Variants in MED21 observed in about 807,000 individuals in gnomAD.
MED21 encodes the protein mediator complex subunit 21.
Under a neutral mutation model 18.2 loss-of-function variants are expected in MED21, and 9 were observed. The ratio of observed to expected loss-of-function variants is 0.49; its 90% confidence interval spans 0.30 to 0.86. MED21 has a LOEUF of 0.86. MED21 is among the 40% of genes least tolerant of loss of function. MED21 has a pLI of 0.07. For synonymous variants in MED21, 73 were observed against 60.5 expected (o/e 1.21, Z -0.96); for missense variants, 150 against 170.9 (o/e 0.88, Z 0.68).
At position 27,027,333 on chromosome 12, in the gene MED21, G is replaced by T; in HGVS notation, c.158-14G>T. The T allele has an allele frequency of 6.3e-7, 1 of 1,585,502 alleles. No individual in the cohort carries two copies. Among genetic ancestry groups the T allele is most frequent in the South Asian group, 1.1e-5 (1 of 88,510 alleles). ...GGTTTTCTAATATCCTAATCTAGCAGTATCTTTCTCTAGAGTATGCCCAGC... is the reference window on the plus strand; with the variant it reads ...GGTTTTCTAATATCCTAATCTAGCATTATCTTTCTCTAGAGTATGCCCAGC... On this transcript the variant is annotated splice_polypyrimidine_tract_variant and intron_variant, in intron 2 of 3. Transcript: ENST00000282892.
At chr12:27,037,313 T>C (rs924273620) in intron 2 of MED21, 35 of 152,110 alleles carry the variant, frequency 2.3e-4, no homozygotes, top group African/African-American at 8.2e-4. Context: ...TTTGCTGAAG[T>C]TGCTTATCAG....
At chr12:27,032,608 A>G (rs916538356), downstream of MED21, among the ~76,000 whole-genome samples, 1 of 152,194 alleles carries the variant, frequency 6.6e-6, no homozygotes, top group African/African-American at 2.4e-5. Context: ...CTTCTGGAAA[A>G]CAGTGACAGT....
At chr12:27,027,697 G>A (rs1408819654) in intron 3 of MED21, among the ~76,000 whole-genome samples, 2 of 152,194 alleles carry the variant, frequency 1.3e-5, no homozygotes, top group East Asian at 3.8e-4. Flanking sequence ...TTAGGGCCAT[G>A]TTGAGGGCCT....
downstream of MED21, among the ~76,000 whole-genome samples, chr12:27,033,229 C>G (rs1004372693): frequency 6.6e-6 from 1 of 152,112 alleles, no homozygotes; most frequent in Admixed American, 6.5e-5. Flanking sequence ...ATTTACTTCC[C>G]ACAGTTCTGA....
intron 2 of MED21, chr12:27,037,695 A>G (rs1414864041): frequency 6.6e-6 from 1 of 152,202 alleles, no homozygotes; most frequent in Non-Finnish European, 1.5e-5. Flanking sequence ...ATCAATTTAG[A>G]GATGCCCTTT....
chr12:27,031,970 G>A (rs1941622365), downstream of MED21, among the ~76,000 whole-genome samples: 1 of 152,132 alleles, frequency 6.6e-6, no homozygotes, highest in Non-Finnish European at 1.5e-5. Flanking sequence ...GGTTCTCAAA[G>A]CCAAAATGGA....
At chr12:27,032,971 C>T (rs1205081694), downstream of MED21, among the ~76,000 whole-genome samples, 1 of 152,182 alleles carries the variant, frequency 6.6e-6, no homozygotes, top group Non-Finnish European at 1.5e-5. Flanking sequence ...CCATTAACGT[C>T]ACCTGCTCCT....
chr12:27,030,171 C>T lies in MED21; in HGVS notation c.*1710C>T, dbSNP rs1190032275. 1 of 648,736 alleles carries T rather than the reference C, an allele frequency of 1.5e-6. No individual in the cohort carries two copies. Among genetic ancestry groups the T allele is most frequent in the African/African-American group, 1.8e-5 (1 of 55,924 alleles). The allele number at this position is 648,736 out of a possible 1,614,324, so 40.2% of individuals were successfully genotyped here. A position where few individuals can be genotyped will look rare whatever the true frequency, so the allele number is the denominator to read the frequency against. On this transcript the variant is annotated 3_prime_UTR_variant, in exon 4 of 4. Coordinates refer to ENST00000282892, the MANE Select transcript of MED21 (RefSeq NM_004264.5). ...TGTTTTTTTAAGGTGAAGTCTCTGT[C>T]ACCCAAGCTGAAGTGCAGTTCTGTG...
chr12:27,023,929 A>G (rs575828296), intron 1 of MED21, among the ~76,000 whole-genome samples: 3 of 152,346 alleles, frequency 2.0e-5, no homozygotes, highest in South Asian at 2.1e-4. Context: ...TGTATGTGCT[A>G]TGCTTTCATA....
chr12:27,028,482 C>A lies in MED21; in HGVS notation c.*21C>A. 6.2e-7 allele frequency: 1 copy of A among 1,603,242 alleles called. No individual in the cohort carries two copies. Among genetic ancestry groups the A allele is most frequent in the Non-Finnish European group, 8.5e-7 (1 of 1,173,048 alleles). On this transcript the variant is annotated 3_prime_UTR_variant, in exon 4 of 4. Coordinates refer to ENST00000282892, the MANE Select transcript of MED21 (RefSeq NM_004264.5). ...CATAGCATCAGTGGATACCATGTGG[C>A]TGAGAAAAGAACTGTTTGAGTGCCA...
At position 27,029,881 on chromosome 12, in the gene MED21, T is replaced by TC; in HGVS notation, c.*1420_*1421insC. 1 of 940,542 alleles carries TC rather than the reference T, an allele frequency of 1.1e-6. No homozygotes were observed. The highest frequency in any genetic ancestry group is 1.3e-6 in the Non-Finnish European group (1 of 766,992). The allele number at this position is 940,542 out of a possible 1,614,324, so 58.3% of individuals were successfully genotyped here. A position where few individuals can be genotyped will look rare whatever the true frequency, so the allele number is the denominator to read the frequency against. On this transcript the variant is annotated 3_prime_UTR_variant, in exon 4 of 4. Transcript: ENST00000282892. ...ACAAAGAGAAAAGGTCAAGACATTT[T>TC]TCAAATGAGGGAAAACTAACAGGAT...
intron 1 of MED21, among the ~76,000 whole-genome samples, chr12:27,023,395 G>A (rs930813568): frequency 1.5e-5 from 2 of 132,864 alleles, no homozygotes; most frequent in South Asian, 4.7e-4. Flanking sequence ...CGCCTCCCGG[G>A]TTCAAGCGAT....
At position 27,029,849 on chromosome 12, in the gene MED21, A is replaced by G; in HGVS notation, c.*1388A>G. The G allele has an allele frequency of 1.6e-5, 16 of 1,007,166 alleles. No individual in the cohort carries two copies. Among genetic ancestry groups the G allele is most frequent in the Non-Finnish European group, 1.9e-5 (16 of 839,520 alleles). The allele number at this position is 1,007,166 out of a possible 1,614,324, so 62.4% of individuals were successfully genotyped here. Reference sequence around the variant, plus strand: ...GTACCTAAGTATTATAAAGGAGTCAAAAAGGTACAAAGAGAAAAGGTCAAG... The same window carrying G: ...GTACCTAAGTATTATAAAGGAGTCAGAAAGGTACAAAGAGAAAAGGTCAAG... On this transcript the variant is annotated 3_prime_UTR_variant, in exon 4 of 4. Transcript: ENST00000282892.
At position 27,029,514 on chromosome 12, in the gene MED21, A is replaced by G. The variant is rs182002144; in HGVS notation, c.*1053A>G. The G allele has an allele frequency of 2.7e-4, 268 of 985,436 alleles. No homozygotes were observed. Among genetic ancestry groups the G allele is most frequent in the Admixed American group, 1.3e-3 (21 of 16,276 alleles). 61.0% of individuals were successfully genotyped at this position (985,436 alleles called of 1,614,324 possible). On this transcript the variant is annotated 3_prime_UTR_variant, in exon 4 of 4. Coordinates refer to ENST00000282892, the MANE Select transcript of MED21 (RefSeq NM_004264.5). Reference sequence around the variant, plus strand: ...AATATGCTGAGCTACATTTGCTGCAATCTGTTGCTATTCAGAGTTTAAGTT... The same window carrying G: ...AATATGCTGAGCTACATTTGCTGCAGTCTGTTGCTATTCAGAGTTTAAGTT...
downstream of MED21, among the ~76,000 whole-genome samples, chr12:27,032,287 A>G (rs561752713): frequency 1.3e-5 from 2 of 152,150 alleles, no homozygotes; most frequent in African/African-American, 4.8e-5. Context: ...CTGAATTTCA[A>G]CTTGGGGGCT....
Position 27,028,374 on chromosome 12 carries a change from G to T in MED21, c.348G>T (p.Glu116Asp), listed in dbSNP as rs764999212. ...DVVYRGDMLL[E>D]KIQSALADIA... is the part of the protein sequence containing the mutation. ...TTTATCGAGGAGACATGCTTCTGGA[G>T]AAGATACAAAGCGCACTTGCTGATA... is the stretch of plus-strand genomic sequence containing the variant. Residue 116 changes from glutamate (E) to aspartate (D), a missense_variant, in exon 4 of 4, where the codon GAG becomes GAT. Physicochemically the swap from Glu to Asp is conservative, Grantham distance 45. Transcript: ENST00000282892. 1.9e-6 allele frequency: 3 copies of T among 1,614,148 alleles called. No individual in the cohort carries two copies. In the Admixed American group the frequency reaches 5.0e-5, roughly 27 times the overall value.
downstream of MED21, among the ~76,000 whole-genome samples, chr12:27,035,197 A>AC (rs1400994006): frequency 6.6e-6 from 1 of 152,170 alleles, no homozygotes; most frequent in African/African-American, 2.4e-5. Flanking sequence ...AGACTTGTTG[A>AC]CAGACCCTGT....
In MED21 at chr12:27,028,616, A is replaced by C; in HGVS notation, c.*155A>C. 7.7e-7 allele frequency: 1 copy of C among 1,304,466 alleles called. No homozygotes were observed. Among genetic ancestry groups the C allele is most frequent in the Non-Finnish European group, 9.8e-7 (1 of 1,023,352 alleles). 80.8% of individuals were successfully genotyped at this position (1,304,466 alleles called of 1,614,324 possible). ...CTATTTTTAATAGTCTTCTATTTTC[A>C]CTCTTGATAAGCTTATAAAATCATG... On this transcript the variant is annotated 3_prime_UTR_variant, in exon 4 of 4. Transcript: ENST00000282892.
downstream of MED21, among the ~76,000 whole-genome samples, chr12:27,032,778 A>G (rs1050384926): frequency 2.0e-5 from 3 of 152,196 alleles, no homozygotes; most frequent in South Asian, 2.1e-4. Flanking sequence ...ATTTGTACCC[A>G]TAGACTAATC....
Sources: gnomAD v4.1 joint callset for allele counts (sites outside exome capture counted in the v4.1 genomes callset) on GRCh38, gnomAD v4.1.1 for gene constraint, MANE v1.5 for transcripts, NCBI Gene and HGNC (gene_info 2026-07-23, HGNC 2026-07-21) for gene names.